SFSWAP: variants seen among roughly 807,000 people sequenced by gnomAD.
SFSWAP encodes splicing factor, suppressor of white-apricot homolog.
A neutral mutation model predicts 100.7 loss-of-function variants in SFSWAP; 17 were observed. The ratio of observed to expected loss-of-function variants is 0.17; its 90% CI spans 0.12 to 0.25. SFSWAP has a LOEUF of 0.25. Among genes scored for constraint, SFSWAP ranks in the 10% least tolerant of loss-of-function variants. The probability of loss-of-function intolerance (pLI) is 1.00; values close to 1 mark genes in which losing one functional copy is unlikely to be tolerated. For synonymous variants in SFSWAP, 504 were observed against 510.1 expected, an observed-to-expected ratio of 0.99 and a Z score of 0.16; for missense variants, 1,005 against 1,262.6, an observed-to-expected ratio of 0.80 and a Z score of 3.09.
intron 15 of SFSWAP, chr12:131,796,073 G>A (rs1188850528): frequency 1.5e-5 from 2 of 137,402 alleles, no homozygotes; most frequent in Non-Finnish European, 3.1e-5. Context: ...AGGGAAGGAA[G>A]GAAGGAAGGA....
intron 11 of SFSWAP, among the ~76,000 whole-genome samples, chr12:131,759,817 A>G (rs972915436): frequency 1.3e-5 from 2 of 151,862 alleles, no homozygotes; most frequent in Non-Finnish European, 2.9e-5. Context: ...AAAAAAAAAG[A>G]AAAAAGAAAA....
chr12:131,759,515 G>T (rs1882463980), intron 11 of SFSWAP, among the ~76,000 whole-genome samples: 1 of 152,160 alleles, frequency 6.6e-6, no homozygotes, highest in South Asian at 2.1e-4. Context: ...TATGAAAATA[G>T]TAGGCCGGGC....
At chr12:131,759,996 A>G (rs907556573) in intron 11 of SFSWAP, among the ~76,000 whole-genome samples, 1 of 152,230 alleles carries the variant, frequency 6.6e-6, no homozygotes, top group Admixed American at 6.5e-5. Flanking sequence ...TTAGTATAAC[A>G]CTAATTAATG....
At chr12:131,732,269 T>C (rs964780331) in intron 7 of SFSWAP, among the ~76,000 whole-genome samples, 2 of 152,176 alleles carry the variant, frequency 1.3e-5, no homozygotes, top group African/African-American at 4.8e-5. Flanking sequence ...AACTGTAACG[T>C]TTGCAATGCC....
Position 131,753,171 on chromosome 12 carries a change from C to T in SFSWAP, c.1130C>T (p.Thr377Ile). Residue 377 changes from threonine (T) to isoleucine (I), a missense_variant, in exon 8 of 18, where the codon ACT (threonine) becomes ATT (isoleucine). Coordinates refer to ENST00000261674, the MANE Select transcript of SFSWAP (RefSeq NM_004592.4). ...AGCTACTACATGCTACCGGACGGCACTTACTGCCTGGCGCCGCCCCCTCCC... is the reference window on the plus strand; with the variant it reads ...AGCTACTACATGCTACCGGACGGCATTTACTGCCTGGCGCCGCCCCCTCCC... ...YYSYYMLPDG[T>I]YCLAPPPPGI... is the part of the protein sequence containing the mutation. 6.2e-7 allele frequency: 1 copy of T among 1,614,188 alleles called. No individual in the cohort carries two copies. Among genetic ancestry groups the T allele is most frequent in the Non-Finnish European group, 8.5e-7 (1 of 1,180,018 alleles).
chr12:131,748,326 T>G (rs1881324675), intron 7 of SFSWAP, among the ~76,000 whole-genome samples: 1 of 151,962 alleles, frequency 6.6e-6, no homozygotes, highest in African/African-American at 2.4e-5. Context: ...AGCTAATATT[T>G]TTTTGTATTT....
intron 6 of SFSWAP, 43 bp downstream of exon 6, chr12:131,727,095 A>C (rs777284255): frequency 2.8e-5 from 33 of 1,172,844 alleles, no homozygotes; most frequent in Non-Finnish European, 4.0e-5. Flanking sequence ...GCCACCACAA[A>C]ACTTCTGCTA....
intron 15 of SFSWAP, chr12:131,796,917 A>C: frequency 2.5e-6 from 1 of 405,914 alleles, no homozygotes; most frequent in Non-Finnish European, 4.4e-6. Context: ...TATCTTAGGT[A>C]TTTTACATGT....
chr12:131,769,320 AAAGT>A (rs927097407), intron 13 of SFSWAP, among the ~76,000 whole-genome samples: 3 of 152,300 alleles, frequency 2.0e-5, no homozygotes, highest in Non-Finnish European at 4.4e-5. Flanking sequence ...GGAATTTAAG[AAAGT>A]AAGGGACCTG....
intron 7 of SFSWAP, among the ~76,000 whole-genome samples, chr12:131,748,607 A>G (rs1262388753): frequency 6.6e-6 from 1 of 152,256 alleles, no homozygotes; most frequent in Non-Finnish European, 1.5e-5. Context: ...AAGATCATGC[A>G]GAGATACGAG....
At chr12:131,774,770 C>A (rs563054518) in intron 13 of SFSWAP, among the ~76,000 whole-genome samples, 2 of 152,246 alleles carry the variant, frequency 1.3e-5, no homozygotes, top group African/African-American at 4.8e-5. Flanking sequence ...GAAGGATGAT[C>A]GTGTTGTTGG....
chr12:131,750,922 C>T (rs1351018424), intron 7 of SFSWAP, among the ~76,000 whole-genome samples: 1 of 152,322 alleles, frequency 6.6e-6, no homozygotes, highest in East Asian at 1.9e-4. Flanking sequence ...CATCCTCCCA[C>T]CTCAGCCTAC....
Position 131,714,294 on chromosome 12 carries a change from A to G in SFSWAP, c.388+54A>G. 6.9e-7 allele frequency: 1 copy of G among 1,458,482 alleles called. No homozygotes were observed. Among genetic ancestry groups the G allele is most frequent in the Non-Finnish European group, 9.3e-7 (1 of 1,073,626 alleles). 90.3% of individuals were successfully genotyped at this position (1,458,482 alleles called of 1,614,324 possible). A position where few individuals can be genotyped will look rare whatever the true frequency, so the allele number is the denominator to read the frequency against. On this transcript the variant is annotated intron_variant, in intron 2 of 17. Coordinates refer to ENST00000261674, the MANE Select transcript of SFSWAP (RefSeq NM_004592.4). The surrounding 1 kb of genome is among the most constrained non-coding windows in gnomAD (Gnocchi z 6.0). The stretch of plus-strand genomic sequence containing the variant: ...AACAAACTTTTTAAAATTTTTAAGT[A>G]TTTAAAAATTTACTCCCATTCATTT...
intron 15 of SFSWAP, among the ~76,000 whole-genome samples, chr12:131,788,870 C>G (rs1434274846): frequency 6.6e-6 from 1 of 152,220 alleles, no homozygotes; most frequent in African/African-American, 2.4e-5. Flanking sequence ...CTTGCTGTGG[C>G]TTAGTGCACA....
chr12:131,724,272 G>T (rs990186007), intron 4 of SFSWAP, among the ~76,000 whole-genome samples: 5 of 152,120 alleles, frequency 3.3e-5, no homozygotes, highest in Non-Finnish European at 5.9e-5. Flanking sequence ...TTCCTTTAAG[G>T]GTCATTACTA....
At chr12:131,735,688 C>T (rs989734969) in intron 7 of SFSWAP, among the ~76,000 whole-genome samples, 20 of 152,350 alleles carry the variant, frequency 1.3e-4, no homozygotes, top group African/African-American at 3.4e-4. Context: ...GTGGTCCTCA[C>T]GTGAGCTGCA....
At chr12:131,791,019 A>G (rs1885194283) in intron 15 of SFSWAP, among the ~76,000 whole-genome samples, 1 of 152,252 alleles carries the variant, frequency 6.6e-6, no homozygotes, top group South Asian at 2.1e-4. Context: ...TTGTAGACTT[A>G]AAACCATCTG....
intron 7 of SFSWAP, among the ~76,000 whole-genome samples, chr12:131,743,079 A>C (rs1880804599): frequency 6.6e-6 from 1 of 152,222 alleles, no homozygotes; most frequent in African/African-American, 2.4e-5. Flanking sequence ...ACCTCCCACC[A>C]GGTTCCTCCC....
At chr12:131,731,940 C>G (rs1365739656) in intron 7 of SFSWAP, among the ~76,000 whole-genome samples, 3 of 105,662 alleles carry the variant, frequency 2.8e-5, no homozygotes, top group Non-Finnish European at 3.4e-5. Flanking sequence ...GACGGAGTCT[C>G]TCTGTGTTAC....
Sources: gnomAD v4.1 joint callset for allele counts (sites outside exome capture counted in the v4.1 genomes callset) on GRCh38, gnomAD v4.1.1 for gene constraint, Gnocchi (gnomAD v3.1) non-coding constraint, MANE v1.5 for transcripts, NCBI Gene and HGNC (gene_info 2026-07-23, HGNC 2026-07-21) for gene names.